PACS1: variants seen among roughly 807,000 people sequenced by gnomAD.
The protein encoded by PACS1 is PACS-1.
A neutral mutation model predicts 115.0 loss-of-function variants in PACS1; 24 were observed. The observed-to-expected ratio is 0.21, with a 90% CI of 0.15 to 0.29. The LOEUF (loss-of-function observed/expected upper bound fraction) is 0.29, where lower values mean the gene tolerates loss of function less well. Ranked by LOEUF, PACS1 falls within the 10% of genes least tolerant of loss-of-function variation. The pLI is 1.00. For synonymous variants in PACS1, 453 were observed against 504.5 expected (o/e 0.90, Z 1.37); for missense variants, 838 against 1,251.2 (o/e 0.67, Z 4.98).
chr11:66,139,440 CT>C (rs894847442), intron 1 of PACS1, among the ~76,000 whole-genome samples: 19 of 149,642 alleles, frequency 1.3e-4, no homozygotes, highest in African/African-American at 1.7e-4. Flanking sequence ...TGCTTTGTAA[CT>C]TTTTTTTTTA....
intron 1 of PACS1, among the ~76,000 whole-genome samples, chr11:66,090,282 T>C (rs1857638707): frequency 6.8e-6 from 1 of 147,046 alleles, no homozygotes; most frequent in African/African-American, 2.5e-5. Flanking sequence ...TTTTTTTTTT[T>C]TTTTTTTTCA....
chr11:66,089,104 ATGTTGAAAATCATG>A (rs1296885520), intron 1 of PACS1, among the ~76,000 whole-genome samples: 1 of 152,174 alleles, frequency 6.6e-6, no homozygotes, highest in African/African-American at 2.4e-5. Context: ...ACTCACATGA[ATGTTGAAAATCATG>A]TGGGAAGCTA....
At chr11:66,172,323 G>A (rs531688362) in intron 1 of PACS1, among the ~76,000 whole-genome samples, 7 of 152,210 alleles carry the variant, frequency 4.6e-5, no homozygotes, top group Non-Finnish European at 8.8e-5. Flanking sequence ...GGGCTGACCT[G>A]TGTAAGCATT....
chr11:66,172,699 T>G (rs891245496), intron 1 of PACS1, among the ~76,000 whole-genome samples: 2 of 152,044 alleles, frequency 1.3e-5, no homozygotes, highest in Non-Finnish European at 2.9e-5. Context: ...TAAATGTGTT[T>G]TGCAGCCAGG....
In PACS1 at chr11:66,137,898, C is replaced by CT. The variant is rs773745627; in HGVS notation, c.357-55581dup. On this transcript the variant is annotated intron_variant, in intron 1 of 23. Transcript: ENST00000320580. ...TGAGAATCTTGTTAAAATGCAAATTCTTTTTTTATTTTTAGTAGAGACGGG... is the reference window on the plus strand; with the variant it reads ...TGAGAATCTTGTTAAAATGCAAATTCTTTTTTTTATTTTTAGTAGAGACGGG... Among the ~76,000 whole-genome samples the CT allele has an allele frequency of 1.6e-4, 24 of 152,118 alleles. No homozygotes were observed. In the South Asian group the frequency reaches 2.7e-3, roughly 17 times the overall value.
chr11:66,185,022 ACT>A (rs1267804355), intron 1 of PACS1, among the ~76,000 whole-genome samples: 1 of 151,980 alleles, frequency 6.6e-6, no homozygotes, highest in African/African-American at 2.4e-5. Context: ...CAGGCCAGGA[ACT>A]CTCGGCCTAA....
At chr11:66,122,060 G>T (rs1858456116) in intron 1 of PACS1, among the ~76,000 whole-genome samples, 1 of 152,194 alleles carries the variant, frequency 6.6e-6, no homozygotes, top group South Asian at 2.1e-4. Context: ...CAACATTTCA[G>T]AGGACAGGCT....
At chr11:66,182,824 G>T (rs1384374635) in intron 1 of PACS1, among the ~76,000 whole-genome samples, 2 of 152,090 alleles carry the variant, frequency 1.3e-5, no homozygotes, top group African/African-American at 2.4e-5. Context: ...CTGCTTTAAG[G>T]TTACTGGTTT....
intron 22 of PACS1, among the ~76,000 whole-genome samples, chr11:66,242,670 T>C (rs1317326105): frequency 6.6e-6 from 1 of 152,170 alleles, no homozygotes; most frequent in Non-Finnish European, 1.5e-5. Flanking sequence ...AGGTCTTCAC[T>C]GAACAGGCGA....
intron 1 of PACS1, among the ~76,000 whole-genome samples, chr11:66,161,655 TA>T (rs1184646447): frequency 6.6e-6 from 1 of 152,010 alleles, no homozygotes; most frequent in African/African-American, 2.4e-5. Flanking sequence ...TTGTGGGTAA[TA>T]AAAAAAGATC....
At chr11:66,214,032 CAAAA>C (rs71036278) in intron 4 of PACS1, among the ~76,000 whole-genome samples, 5 of 42,980 alleles carry the variant, frequency 1.2e-4, no homozygotes, top group Non-Finnish European at 1.5e-4. Flanking sequence ...GACTCCATCT[CAAAA>C]AAAAAAAAAA....
chr11:66,186,844 G>A (rs535027610), intron 1 of PACS1, among the ~76,000 whole-genome samples: 1 of 130,218 alleles, frequency 7.7e-6, no homozygotes. Context: ...GTTTCTGCTG[G>A]TGTGTAGGCC....
Position 66,070,559 on chromosome 11 carries a change from G to A in PACS1, c.73G>A (p.Val25Ile). The A allele has an allele frequency of 6.9e-6, 10 of 1,445,768 alleles. No individual in the cohort carries two copies. Among genetic ancestry groups the A allele is most frequent in the Non-Finnish European group, 8.1e-6 (9 of 1,105,564 alleles). The allele number at this position is 1,445,768 out of a possible 1,614,324, so 89.6% of individuals were successfully genotyped here. The change falls in exon 1 of 24, where the codon GTC (valine) becomes ATC (isoleucine). Residue 25 changes from valine (V) to isoleucine (I), a missense_variant. Val to Ile is a conservative substitution (Grantham distance 29). This residue lies in a region of PACS1 where 129 missense variants were observed against 109.4 expected (regional missense o/e 1.18). Coordinates refer to ENST00000320580, the MANE Select transcript of PACS1 (RefSeq NM_018026.4). The surrounding 1 kb of genome is among the most constrained non-coding windows in gnomAD (Gnocchi z 5.9). ...GGGSGQRGSGVAQSPQQPPPQ... is the reference protein window; with the variant it reads ...GGGSGQRGSGIAQSPQQPPPQ... ...CGGCAGCGGCCAGCGGGGATCCGGG[G>A]TCGCCCAGTCCCCTCAGCAGCCGCC...
chr11:66,170,166 T>A (rs1859702462), intron 1 of PACS1, among the ~76,000 whole-genome samples: 1 of 150,658 alleles, frequency 6.6e-6, no homozygotes, highest in Admixed American at 6.6e-5. Flanking sequence ...AGTATGCTCC[T>A]TGAAAAACAA....
intron 2 of PACS1, among the ~76,000 whole-genome samples, chr11:66,198,376 G>A (rs983974890): frequency 5.3e-5 from 8 of 152,182 alleles, no homozygotes; most frequent in Non-Finnish European, 8.8e-5. Context: ...ACTGATCAAT[G>A]GATAAATAAA....
rs79685906 is a variant in PACS1, at chr11:66,074,577, G to A, written c.356+3735G>A. On this transcript the variant is annotated intron_variant, in intron 1 of 23. Coordinates refer to ENST00000320580, the MANE Select transcript of PACS1 (RefSeq NM_018026.4). ...AAAAGTGATTATTAAGAGATGAAATGTGCTCTGCTGTATCATTCGCAAACC... is the reference window on the plus strand; with the variant it reads ...AAAAGTGATTATTAAGAGATGAAATATGCTCTGCTGTATCATTCGCAAACC... Among the ~76,000 whole-genome samples the A allele has an allele frequency of 8.3e-3, 1,262 of 152,274 alleles. 88 individuals are homozygous for A. The East Asian group carries it at 0.17, about 21-fold the overall frequency.
intron 1 of PACS1, among the ~76,000 whole-genome samples, chr11:66,120,648 C>T (rs1858415923): frequency 6.6e-6 from 1 of 152,158 alleles, no homozygotes; most frequent in South Asian, 2.1e-4. Flanking sequence ...CCTGGCTTTG[C>T]CATTTACTTA....
intron 17 of PACS1, 88 bp downstream of exon 17, chr11:66,234,330 T>C: frequency 1.2e-6 from 1 of 848,928 alleles, no homozygotes; most frequent in Non-Finnish European, 2.1e-6. Context: ...GTCATGCTGC[T>C]TTCCTCCCTG....
chr11:66,162,377 C>T (rs1003741683), intron 1 of PACS1, among the ~76,000 whole-genome samples: 1 of 152,126 alleles, frequency 6.6e-6, no homozygotes, highest in Admixed American at 6.5e-5. Flanking sequence ...CCACCTCGGC[C>T]TCCCAAAGTG....
Sources: gnomAD v4.1 joint callset for allele counts (sites outside exome capture counted in the v4.1 genomes callset) on GRCh38, gnomAD v4.1.1 for gene constraint, gnomAD v4.1.1 regional missense constraint, Gnocchi (gnomAD v3.1) non-coding constraint, MANE v1.5 for transcripts, NCBI Gene and HGNC (gene_info 2026-07-23, HGNC 2026-07-21) for gene names.